RBFOX2: variants seen among roughly 807,000 people sequenced by gnomAD.
The protein encoded by RBFOX2 is RNA binding fox-1 homolog 2.
Under a neutral mutation model 49.1 loss-of-function variants are expected in RBFOX2, and 10 were observed. The ratio of observed to expected loss-of-function variants is 0.20; its 90% confidence interval spans 0.13 to 0.35. The LOEUF (loss-of-function observed/expected upper bound fraction) is 0.35. Among genes scored for constraint, RBFOX2 ranks in the 10% least tolerant of loss-of-function variants. RBFOX2 has a pLI of 1.00. For missense variants in RBFOX2, 323 were observed against 486.9 expected (o/e 0.66, Z 3.17); for synonymous variants, 183 against 187.4 (o/e 0.98, Z 0.19).
chr22:35,864,798 T>C (rs1447537783), intron 1 of RBFOX2, among the ~76,000 whole-genome samples: 5 of 152,216 alleles, frequency 3.3e-5, no homozygotes, highest in Admixed American at 2.6e-4. Context: ...TGACTTTTTG[T>C]TCCACTATTA....
At chr22:35,936,562 G>A (rs1015298950) in intron 1 of RBFOX2, among the ~76,000 whole-genome samples, 5 of 152,234 alleles carry the variant, frequency 3.3e-5, no homozygotes, top group Non-Finnish European at 7.4e-5. Context: ...CTAATTCAAA[G>A]ATCCAACCAG....
chr22:35,817,077 A>T (rs963509691), intron 1 of RBFOX2, among the ~76,000 whole-genome samples: 47 of 152,228 alleles, frequency 3.1e-4, no homozygotes, highest in Non-Finnish European at 4.9e-4. Context: ...ACACTGACTT[A>T]GAGGCTTTGG....
At chr22:35,871,626 C>T (rs2044364883) in intron 1 of RBFOX2, among the ~76,000 whole-genome samples, 1 of 152,152 alleles carries the variant, frequency 6.6e-6, no homozygotes, top group Non-Finnish European at 1.5e-5. Flanking sequence ...GGCATGGTCT[C>T]ACTTTTCCTA....
At chr22:35,880,087 C>T (rs1014061533) in intron 1 of RBFOX2, among the ~76,000 whole-genome samples, 2 of 151,410 alleles carry the variant, frequency 1.3e-5, no homozygotes, top group African/African-American at 2.4e-5. Context: ...ACCTGAGAGG[C>T]GGAGGTTGCA....
intron 2 of RBFOX2, among the ~76,000 whole-genome samples, chr22:35,809,155 T>G (rs1951332866): frequency 6.6e-6 from 1 of 151,976 alleles, no homozygotes; most frequent in African/African-American, 2.4e-5. Flanking sequence ...AGAGCAGTGA[T>G]GATGATAAAT....
intron 1 of RBFOX2, among the ~76,000 whole-genome samples, chr22:35,914,363 C>T (rs777323823): frequency 1.3e-5 from 2 of 152,234 alleles, no homozygotes; most frequent in Non-Finnish European, 2.9e-5. Flanking sequence ...TAAAACGCCA[C>T]TGGAATATAT....
intron 1 of RBFOX2, chr22:35,996,065 T>A (rs2058177341): frequency 6.6e-6 from 1 of 152,234 alleles, no homozygotes; most frequent in South Asian, 2.1e-4. Flanking sequence ...GATGAATTCA[T>A]AGTTTATTAC....
At chr22:35,777,548 T>C (rs1345545715) in intron 4 of RBFOX2, 1 of 157,576 alleles carries the variant, frequency 6.3e-6, no homozygotes, top group Non-Finnish European at 1.4e-5. Context: ...TTAAGTCTTG[T>C]CACAATTTTC....
chr22:35,845,385 C>A (rs1319152672), upstream of RBFOX2, among the ~76,000 whole-genome samples: 16 of 149,402 alleles, frequency 1.1e-4, no homozygotes, highest in African/African-American at 3.7e-4. Flanking sequence ...ATATAGAACC[C>A]ATTCACCATT....
intron 1 of RBFOX2, among the ~76,000 whole-genome samples, chr22:35,873,631 T>G (rs2044644949): frequency 6.6e-6 from 1 of 152,108 alleles, no homozygotes; most frequent in Admixed American, 6.5e-5. Context: ...GAGTCAACTC[T>G]GTAGTTTGTT....
intron 1 of RBFOX2, among the ~76,000 whole-genome samples, chr22:35,896,051 G>A (rs1044548461): frequency 6.6e-6 from 1 of 152,018 alleles, no homozygotes; most frequent in African/African-American, 2.4e-5. Flanking sequence ...ATGCCCATAC[G>A]TGTTCCTTGC....
chr22:35,827,018 T>C (rs1050214728), intron 1 of RBFOX2, among the ~76,000 whole-genome samples: 1 of 152,242 alleles, frequency 6.6e-6, no homozygotes, highest in Non-Finnish European at 1.5e-5. Context: ...AGTTGCTCTA[T>C]GTTAGCGAAC....
intron 3 of RBFOX2, among the ~76,000 whole-genome samples, chr22:35,780,356 A>AAAAC (rs1198459800): frequency 2.0e-5 from 3 of 151,772 alleles, no homozygotes; most frequent in Admixed American, 6.6e-5. Context: ...TTTAAAAAAG[A>AAAAC]AAACAAACAA....
At chr22:35,824,542 C>G (rs944551753) in intron 1 of RBFOX2, among the ~76,000 whole-genome samples, 1 of 152,180 alleles carries the variant, frequency 6.6e-6, no homozygotes, top group Non-Finnish European at 1.5e-5. Context: ...TGAGGCCAGC[C>G]TGGAGAAGAA....
chr22:36,010,284 A>C (rs984499082), intron 1 of RBFOX2, among the ~76,000 whole-genome samples: 4 of 152,202 alleles, frequency 2.6e-5, no homozygotes, highest in East Asian at 1.9e-4. Flanking sequence ...AAATGCCTGG[A>C]AACTTTACAC....
chr22:36,012,561 T>TGCACTCCAGCCTGAGTGAC (rs2058861884), intron 1 of RBFOX2, among the ~76,000 whole-genome samples: 1 of 152,006 alleles, frequency 6.6e-6, no homozygotes, highest in Admixed American at 6.6e-5. Flanking sequence ...GCCTGAGTGA[T>TGCACTCCAGCCTGAGTGAC]GCACTCCAGC....
intron 1 of RBFOX2, among the ~76,000 whole-genome samples, chr22:35,879,320 C>G (rs926720984): frequency 6.6e-6 from 1 of 151,942 alleles, no homozygotes; most frequent in African/African-American, 2.4e-5. Flanking sequence ...TCCTTGTCAC[C>G]GTAAATCGTG....
chr22:35,780,217 A>G (rs1168896905), intron 3 of RBFOX2, among the ~76,000 whole-genome samples: 1 of 152,180 alleles, frequency 6.6e-6, no homozygotes, highest in Non-Finnish European at 1.5e-5. Context: ...CGGAAAATAC[A>G]TCCAAGTAGT....
chr22:35,923,136 T>G (rs2051213671), intron 1 of RBFOX2, among the ~76,000 whole-genome samples: 1 of 152,156 alleles, frequency 6.6e-6, no homozygotes, highest in Non-Finnish European at 1.5e-5. Context: ...TGGCTAATAC[T>G]TATCAGCAAT....
Sources: allele counts gnomAD v4.1 joint callset (sites outside exome capture counted in the v4.1 genomes callset), GRCh38; gene constraint gnomAD v4.1.1; transcripts MANE v1.5; gene names NCBI Gene and HGNC (gene_info 2026-07-23, HGNC 2026-07-21).